MSTO1: variants seen among roughly 807,000 people sequenced by gnomAD.
MSTO1 encodes misato mitochondrial distribution and morphology regulator 1, also known as protein misato homolog 1.
In MSTO1, 24 loss-of-function variants were observed where a neutral mutation model predicts 55.7. That is an observed-to-expected ratio of 0.43 (90% CI 0.31 to 0.61). The LOEUF is 0.61. Ranked by LOEUF, MSTO1 falls within the 20% of genes least tolerant of loss-of-function variation. MSTO1 has a pLI of 0.09. For missense variants in MSTO1, 363 were observed against 625.7 expected, an observed-to-expected ratio of 0.58 and a Z score of 4.48; for synonymous variants, 162 against 252.8, an observed-to-expected ratio of 0.64 and a Z score of 3.41.
the MSTO1 span, among the ~76,000 whole-genome samples, chr1:155,579,660 C>A: frequency 6.6e-6 from 1 of 152,158 alleles, no homozygotes; most frequent in Non-Finnish European, 1.5e-5. Context: ...CCTGATGGGA[C>A]TGTTGTAAGA....
Position 155,614,916 on chromosome 1 carries a change from T to A in MSTO1, c.*643T>A. ...TATTCACTGATCCTTAGTAACATGT[T>A]AACATTTATGAAGCACTATATATTG... is the stretch of plus-strand genomic sequence containing the variant. On this transcript the variant is annotated 3_prime_UTR_variant, in exon 14 of 14. Transcript: ENST00000245564. 1 of 1,345,364 alleles carries A rather than the reference T, an allele frequency of 7.4e-7. No homozygotes were observed. The highest frequency in any genetic ancestry group is 1.0e-6 in the Non-Finnish European group (1 of 958,240). 83.3% of individuals were successfully genotyped at this position (1,345,364 alleles called of 1,614,324 possible).
chr1:155,564,355 G>A, the MSTO1 span, among the ~76,000 whole-genome samples: 1 of 152,194 alleles, frequency 6.6e-6, no homozygotes, highest in Non-Finnish European at 1.5e-5. Context: ...TTAGCCAGGC[G>A]TGGTGGTGGA....
chr1:155,592,284 C>T, the MSTO1 span, among the ~76,000 whole-genome samples: 5 of 152,108 alleles, frequency 3.3e-5, no homozygotes, highest in Non-Finnish European at 5.9e-5. Flanking sequence ...TGGGATACAT[C>T]GCAACATGTA....
the MSTO1 span, among the ~76,000 whole-genome samples, chr1:155,577,281 G>A: frequency 6.6e-6 from 1 of 151,342 alleles, no homozygotes; most frequent in South Asian, 2.1e-4. Flanking sequence ...GTAGAGATGG[G>A]GTTTTACCAT....
chr1:155,572,160 TGTG>T, the MSTO1 span, among the ~76,000 whole-genome samples: 1 of 152,090 alleles, frequency 6.6e-6, no homozygotes, highest in African/African-American at 2.4e-5. Flanking sequence ...CATTCTTTGT[TGTG>T]GGGGACTCCC....
At chr1:155,577,244 A>T in the MSTO1 span, among the ~76,000 whole-genome samples, 2 of 151,030 alleles carry the variant, frequency 1.3e-5, no homozygotes, top group Non-Finnish European at 1.5e-5. Context: ...GCCTGCCACC[A>T]CGCCCGGCTA....
chr1:155,573,702 G>T, the MSTO1 span, among the ~76,000 whole-genome samples: 2 of 152,030 alleles, frequency 1.3e-5, no homozygotes, highest in African/African-American at 4.8e-5. Flanking sequence ...GCTGGGCGTG[G>T]TGGCAGGTGC....
chr1:155,591,203 A>G, the MSTO1 span: 2 of 1,612,332 alleles, frequency 1.2e-6, no homozygotes, highest in Admixed American at 3.3e-5. Context: ...AGACCAGGCC[A>G]TTCACCCAGC....
chr1:155,605,041 A>C, the MSTO1 span, among the ~76,000 whole-genome samples: 1 of 152,178 alleles, frequency 6.6e-6, no homozygotes, highest in Non-Finnish European at 1.5e-5. Flanking sequence ...CAGGCGGATC[A>C]CCTGAGGTCA....
In MSTO1 at chr1:155,614,883, G is replaced by A. The variant is rs1354207999; in HGVS notation, c.*610G>A. 3.2e-6 allele frequency: 5 copies of A among 1,540,180 alleles called. No homozygotes were observed. Among genetic ancestry groups the A allele is most frequent in the South Asian group, 1.2e-5 (1 of 84,482 alleles). On this transcript the variant is annotated 3_prime_UTR_variant, in exon 14 of 14. Coordinates refer to ENST00000245564, the MANE Select transcript of MSTO1 (RefSeq NM_018116.4). Reference sequence around the variant, plus strand: ...AATGGTGGGAAACCTAAGAAAGGAGGAGGGCTGTATTCACTGATCCTTAGT... The same window carrying A: ...AATGGTGGGAAACCTAAGAAAGGAGAAGGGCTGTATTCACTGATCCTTAGT...
chr1:155,563,868 T>C, the MSTO1 span: 1 of 316,080 alleles, frequency 3.2e-6, no homozygotes, highest in Non-Finnish European at 6.2e-6. Context: ...TACAGTTCTG[T>C]TGATGTCGAT....
rs762447527 is a variant in MSTO1 at position 155,610,444 on chromosome 1, C to G, written c.104C>G (p.Ala35Gly). Residue 35 changes from alanine (A) to glycine (G), a missense_variant, in exon 2 of 14, where the codon GCG becomes GGG. Physicochemically the swap from Ala to Gly is moderately conservative, Grantham distance 60. This residue lies in a region of MSTO1 where 94 missense variants were observed against 212.4 expected (regional missense o/e 0.44). Coordinates refer to ENST00000245564, the MANE Select transcript of MSTO1 (RefSeq NM_018116.4). Reference protein sequence around the residue: ...WNQQDAALGRATDSKEPPGEL... With the variant: ...WNQQDAALGRGTDSKEPPGEL... ...CCCCAGGATGCTGCGCTGGGCCGAG[C>G]GACCGATTCCAAGGAGCCCCCGGGA... The G allele has an allele frequency of 2.0e-5, 17 of 851,282 alleles. No homozygotes were observed. Among genetic ancestry groups the G allele is most frequent in the Non-Finnish European group, 1.6e-5 (9 of 548,086 alleles). The allele number at this position is 851,282 out of a possible 1,614,324, so 52.7% of individuals were successfully genotyped here.
the MSTO1 span, among the ~76,000 whole-genome samples, chr1:155,565,392 T>C: frequency 6.6e-6 from 1 of 152,194 alleles, no homozygotes; most frequent in Admixed American, 6.5e-5. Flanking sequence ...TGTGGACTAC[T>C]GTGCCAGGGG....
At chr1:155,584,533 A>C in the MSTO1 span, among the ~76,000 whole-genome samples, 2 of 151,312 alleles carry the variant, frequency 1.3e-5, no homozygotes, top group African/African-American at 4.9e-5. Context: ...TTAATTAACC[A>C]GGCAATGGGC....
the MSTO1 span, among the ~76,000 whole-genome samples, chr1:155,576,484 G>A: frequency 6.6e-6 from 1 of 151,444 alleles, no homozygotes; most frequent in Non-Finnish European, 1.5e-5. Flanking sequence ...GCACCACCAC[G>A]CCCATCTAAG....
At chr1:155,577,324 G>A in the MSTO1 span, among the ~76,000 whole-genome samples, 2 of 151,864 alleles carry the variant, frequency 1.3e-5, no homozygotes, top group Admixed American at 6.6e-5. Flanking sequence ...TCCTGACCTC[G>A]TGATCCACCC....
At chr1:155,597,069 C>A in the MSTO1 span, among the ~76,000 whole-genome samples, 1 of 151,256 alleles carries the variant, frequency 6.6e-6, no homozygotes, top group Non-Finnish European at 1.5e-5. Context: ...ATTGCACTAC[C>A]GCACTCCAGC....
the MSTO1 span, chr1:155,586,568 C>T: frequency 2.8e-6 from 1 of 363,546 alleles, no homozygotes; most frequent in South Asian, 2.3e-5. Flanking sequence ...ATATTATTAA[C>T]CCATAATAAT....
intron 11 of MSTO1, 103 bp downstream of exon 11, chr1:155,613,336 C>T: frequency 6.4e-7 from 1 of 1,569,866 alleles, no homozygotes; most frequent in Non-Finnish European, 8.6e-7. Context: ...CCCTCCCCAC[C>T]CCTTAAAAAG....
Sources: allele counts gnomAD v4.1 joint callset (sites outside exome capture counted in the v4.1 genomes callset), GRCh38; gene constraint gnomAD v4.1.1; regional missense constraint gnomAD v4.1.1; transcripts MANE v1.5; gene names NCBI Gene and HGNC (gene_info 2026-07-23, HGNC 2026-07-21).